The following TRPM8 variants were observed in gnomAD, a reference collection of about 807,000 sequenced individuals.
The protein encoded by TRPM8 is transient receptor potential cation channel subfamily M member 8.
Under a neutral mutation model 133.7 loss-of-function variants are expected in TRPM8, and 110 were observed. That is an observed-to-expected ratio of 0.82 (90% CI 0.70 to 0.96). The LOEUF (loss-of-function observed/expected upper bound fraction) is 0.96. Ranked by LOEUF, TRPM8 falls within the 40% of genes least tolerant of loss-of-function variation. The probability of loss-of-function intolerance (pLI) is 0.00; values close to 1 mark genes in which losing one functional copy is unlikely to be tolerated. For missense variants in TRPM8, 1,291 were observed against 1,379.5 expected, an observed-to-expected ratio of 0.94 and a Z score of 1.02; for synonymous variants, 535 against 532.3, an observed-to-expected ratio of 1.01 and a Z score of -0.07.
At chr2:233,962,053 G>C (rs1691452091) in intron 12 of TRPM8, among the ~76,000 whole-genome samples, 1 of 152,236 alleles carries the variant, frequency 6.6e-6, no homozygotes, top group Admixed American at 6.5e-5. Flanking sequence ...GCTTAAAACA[G>C]CTGCCTGCTG....
chr2:233,939,151 C>T lies in TRPM8; in HGVS notation c.502C>T (p.Leu168Phe), dbSNP rs767187378. 1.2e-6 allele frequency: 2 copies of T among 1,614,096 alleles called. No individual in the cohort carries two copies. The highest frequency in any genetic ancestry group is 1.7e-6 in the Non-Finnish European group (2 of 1,180,026). Residue 168 changes from leucine (L) to phenylalanine (F), a missense_variant, in exon 5 of 26, where the codon CTC (leucine) becomes TTC (phenylalanine). Transcript: ENST00000324695. Reference sequence around the variant, plus strand: ...GCGCATGCGCAAGATCTTCAGCCGGCTCATCTACATCGCGCAGTCCAAAGG... The same window carrying T: ...GCGCATGCGCAAGATCTTCAGCCGGTTCATCTACATCGCGCAGTCCAAAGG... The part of the protein sequence containing the change: ...KPRMRKIFSR[L>F]IYIAQSKGAW...
chr2:234,002,542 G>A (rs999410206), intron 22 of TRPM8, among the ~76,000 whole-genome samples: 1 of 152,168 alleles, frequency 6.6e-6, no homozygotes, highest in Non-Finnish European at 1.5e-5. Flanking sequence ...GGCTGGTGTG[G>A]GGAGACCCAC....
chr2:233,941,553 G>A (rs866584406), intron 5 of TRPM8, among the ~76,000 whole-genome samples: 7 of 152,304 alleles, frequency 4.6e-5, no homozygotes, highest in Admixed American at 6.5e-5. Context: ...AACGATTGGA[G>A]GAGGGGGCTG....
At chr2:233,991,993 T>C (rs1692290706) in intron 21 of TRPM8, among the ~76,000 whole-genome samples, 1 of 152,212 alleles carries the variant, frequency 6.6e-6, no homozygotes, top group Non-Finnish European at 1.5e-5. Context: ...ATGATTTTCA[T>C]TTATTCAAAC....
intron 11 of TRPM8, among the ~76,000 whole-genome samples, chr2:233,959,129 G>A (rs1691367365): frequency 6.6e-6 from 1 of 152,236 alleles, no homozygotes; most frequent in East Asian, 1.9e-4. Context: ...AGGTTCAAGC[G>A]ATTCTCCTGC....
chr2:233,943,232 G>T (rs1252123073), intron 6 of TRPM8, among the ~76,000 whole-genome samples: 1 of 151,588 alleles, frequency 6.6e-6, no homozygotes, highest in African/African-American at 2.4e-5. Context: ...TTAACATTAG[G>T]TATATCTCCT....
chr2:234,018,813 C>T lies in TRPM8; in HGVS notation c.*1557C>T, dbSNP rs1412371765. On this transcript the variant is annotated 3_prime_UTR_variant, in exon 26 of 26. Coordinates refer to ENST00000324695, the MANE Select transcript of TRPM8 (RefSeq NM_024080.5). ...TGAACCAAGATTGCACCACTGCACTCCAGCCGGGGTGACAGAGTGAGACTC... is the reference window on the plus strand; with the variant it reads ...TGAACCAAGATTGCACCACTGCACTTCAGCCGGGGTGACAGAGTGAGACTC... The T allele has an allele frequency of 6.7e-6, 1 of 150,042 alleles. No homozygotes were observed. The highest frequency in any genetic ancestry group is 2.5e-5 in the African/African-American group (1 of 40,384). The allele number at this position is 150,042 out of a possible 1,614,324, so 9.3% of individuals were successfully genotyped here.
Position 233,926,594 on chromosome 2 carries a change from C to T in TRPM8, c.57C>T (p.Asp19=). Residue 19 remains aspartate, a synonymous_variant, in exon 2 of 26, where the codon GAC becomes GAT. Transcript: ENST00000324695. The part of the protein sequence containing the change: ...SMRNRRNDTL[D]STRTLYSSAS... ...GGAACAGAAGGAATGACACTCTGGACAGCACCCGGACCCTGTACTCCAGCG... is the reference window on the plus strand; with the variant it reads ...GGAACAGAAGGAATGACACTCTGGATAGCACCCGGACCCTGTACTCCAGCG... 6.2e-7 allele frequency: 1 copy of T among 1,614,168 alleles called. No homozygotes were observed. Among genetic ancestry groups the T allele is most frequent in the Non-Finnish European group, 8.5e-7 (1 of 1,180,036 alleles).
chr2:233,937,482 G>C lies in TRPM8; in HGVS notation c.321G>C (p.Gln107His). 1 of 1,613,688 alleles carries C rather than the reference G, an allele frequency of 6.2e-7. No homozygotes were observed. The highest frequency in any genetic ancestry group is 8.5e-7 in the Non-Finnish European group (1 of 1,179,902). Residue 107 changes from glutamine (Q) to histidine (H), a missense_variant, in exon 4 of 26, where the codon CAG becomes CAC. By Grantham distance (24) the Gln-to-His change is conservative. This residue lies in a region of TRPM8 where 963 missense variants were observed against 968.9 expected (regional missense o/e 0.99). Transcript: ENST00000324695. ...CTACCGACGCCTTTGGGGATATTCAGTTTGAGACACTGGGGAAGAAAGGGA... is the reference window on the plus strand; with the variant it reads ...CTACCGACGCCTTTGGGGATATTCACTTTGAGACACTGGGGAAGAAAGGGA... ...EFPTDAFGDI[Q>H]FETLGKKGKY... is the part of the protein sequence containing the mutation.
intron 24 of TRPM8, among the ~76,000 whole-genome samples, chr2:234,010,676 A>G (rs760993712): frequency 2.0e-5 from 3 of 152,176 alleles, no homozygotes; most frequent in Non-Finnish European, 2.9e-5. Context: ...AAGCGTCGTA[A>G]CAGGTGTGAG....
At chr2:234,011,489 T>A (rs776511620) in intron 24 of TRPM8, among the ~76,000 whole-genome samples, 5 of 152,160 alleles carry the variant, frequency 3.3e-5, no homozygotes, top group Non-Finnish European at 5.9e-5. Flanking sequence ...TCTCTATTTC[T>A]TTAAAAAAAA....
chr2:233,978,752 G>A (rs907348211), intron 17 of TRPM8, among the ~76,000 whole-genome samples: 7 of 152,182 alleles, frequency 4.6e-5, no homozygotes, highest in African/African-American at 1.7e-4. Flanking sequence ...AAGAGAGAGA[G>A]TTTAGCCTTC....
chr2:233,998,728 AGTGCCAGCTTGTGCCCATCCAGTTAGG>A (rs1313058044), intron 22 of TRPM8, among the ~76,000 whole-genome samples: 1 of 140,216 alleles, frequency 7.1e-6, no homozygotes, highest in Non-Finnish European at 1.5e-5. Flanking sequence ...ATCCAGTTAG[AGTGCCAGCTTGTGCCCATCCAGTTAGG>A]GTGCCAGCTT....
chr2:233,996,405 A>C lies in TRPM8; in HGVS notation c.3019A>C (p.Ser1007Arg). 1 of 1,614,222 alleles carries C rather than the reference A, an allele frequency of 6.2e-7. No homozygotes were observed. The highest frequency in any genetic ancestry group is 8.5e-7 in the Non-Finnish European group (1 of 1,180,046). ...QRYFLVQEYCSRLNIPFPFIV... is the reference protein window; with the variant it reads ...QRYFLVQEYCRRLNIPFPFIV... ...GTACTTCCTGGTGCAGGAGTACTGC[A>C]GCCGCCTCAATATCCCCTTCCCCTT... Residue 1007 changes from serine (S) to arginine (R), a missense_variant, in exon 22 of 26, where the codon AGC becomes CGC. Ser to Arg is a moderately radical substitution (Grantham distance 110). Transcript: ENST00000324695.
At chr2:233,946,211 G>A in intron 7 of TRPM8, 181 bp downstream of exon 7, 3 of 606,782 alleles carry the variant, frequency 4.9e-6, no homozygotes, top group Non-Finnish European at 8.6e-6. Flanking sequence ...CTTCTGCCAG[G>A]GTCAATGTGG....
At chr2:233,978,511 G>C (rs565514904) in intron 17 of TRPM8, among the ~76,000 whole-genome samples, 2 of 151,838 alleles carry the variant, frequency 1.3e-5, no homozygotes, top group Non-Finnish European at 2.9e-5. Flanking sequence ...TTTTTTCTTC[G>C]TTCCTGGTTT....
At chr2:234,009,549 G>A (rs1198510530) in intron 24 of TRPM8, among the ~76,000 whole-genome samples, 2 of 152,146 alleles carry the variant, frequency 1.3e-5, no homozygotes, top group East Asian at 3.9e-4. Flanking sequence ...CAGCTGACCT[G>A]ACTCCTAGGG....
chr2:234,004,924 C>T (rs1259079056), intron 22 of TRPM8, among the ~76,000 whole-genome samples: 2 of 152,290 alleles, frequency 1.3e-5, no homozygotes, highest in South Asian at 4.1e-4. Context: ...AAATAACCAT[C>T]TAATCTACAT....
chr2:233,976,134 G>A (rs1019233189), intron 17 of TRPM8, among the ~76,000 whole-genome samples: 1 of 152,152 alleles, frequency 6.6e-6, no homozygotes, highest in African/African-American at 2.4e-5. Flanking sequence ...CCAAACAGAC[G>A]AAGATCTCTT....
Sources: allele counts gnomAD v4.1 joint callset (sites outside exome capture counted in the v4.1 genomes callset), GRCh38; gene constraint gnomAD v4.1.1; regional missense constraint gnomAD v4.1.1; transcripts MANE v1.5; gene names NCBI Gene and HGNC (gene_info 2026-07-23, HGNC 2026-07-21).